Variants in PCDHGA12 observed in about 807,000 individuals in gnomAD.
PCDHGA12 encodes the protein protocadherin gamma-A12.
Under a neutral mutation model 61.1 loss-of-function variants are expected in PCDHGA12, and 43 were observed. The observed-to-expected ratio is 0.70, with a 90% CI of 0.55 to 0.91. The LOEUF is 0.91. Among genes scored for constraint, PCDHGA12 ranks in the 40% least tolerant of loss-of-function variants. The probability of loss-of-function intolerance (pLI) is 0.00; values close to 1 mark genes in which losing one functional copy is unlikely to be tolerated. For synonymous variants in PCDHGA12, 520 were observed against 542.9 expected (o/e 0.96, Z 0.59); for missense variants, 1,236 against 1,227.7 (o/e 1.01, Z -0.10).
rs1201654822 is a variant in PCDHGA12, at chr5:141,476,876, C to T, written c.2425-17931C>T. ...CCAGTCCTTGTACCGGGCGCGCGTC[C>T]TGGAGGATGCACCCTCCGGCACGCG... On this transcript the variant is annotated intron_variant, in intron 1 of 3. Transcript: ENST00000252085. The surrounding 1 kb of genome is among the most constrained non-coding windows in gnomAD (Gnocchi z 7.6). 6.2e-7 allele frequency: 1 copy of T among 1,613,876 alleles called. No homozygotes were observed. The highest frequency in any genetic ancestry group is 1.7e-5 in the Admixed American group (1 of 60,018).
chr5:141,431,296 C>T lies in PCDHGA12; in HGVS notation c.537C>T (p.Ser179=), dbSNP rs2097358592. Residue 179 remains serine, a synonymous_variant, in exon 1 of 4, where the codon TCC becomes TCT. Transcript: ENST00000252085. The surrounding 1 kb of genome is among the most constrained non-coding windows in gnomAD (Gnocchi z 4.8). ...AGCTCAGCCCGAACACTCACTTCTC[C>T]CTCATCGTGCAAAATGGAGCCGACG... The part of the protein sequence containing the change: ...SYELSPNTHF[S]LIVQNGADGS... The T allele has an allele frequency of 1.9e-6, 3 of 1,614,018 alleles. No individual in the cohort carries two copies. Among genetic ancestry groups the T allele is most frequent in the Non-Finnish European group, 2.5e-6 (3 of 1,180,048 alleles).
intron 3 of PCDHGA12, 119 bp downstream of exon 3, chr5:141,505,600 G>T: frequency 1.3e-6 from 2 of 1,554,224 alleles, no homozygotes; most frequent in Middle Eastern, 3.4e-4. Context: ...AGATCTTTCG[G>T]CAGGTCTGAA....
rs1476081470 is a variant in PCDHGA12, at chr5:141,432,757, C to G, written c.1998C>G (p.Asp666Glu). 2.5e-6 allele frequency: 4 copies of G among 1,614,150 alleles called. No homozygotes were observed. The highest frequency in any genetic ancestry group is 1.3e-5 in the African/African-American group (1 of 75,076). Reference protein sequence around the residue: ...ATVTLTVAVADSIPQVLADLG... With the variant: ...ATVTLTVAVAESIPQVLADLG... ...TCACGCTCACCGTGGCCGTGGCCGA[C>G]AGCATCCCCCAAGTCCTGGCGGACC... The change falls in exon 1 of 4, where the codon GAC becomes GAG. Residue 666 changes from aspartate (D) to glutamate (E), a missense_variant. Physicochemically the swap from Asp to Glu is conservative, Grantham distance 45. Coordinates refer to ENST00000252085, the MANE Select transcript of PCDHGA12 (RefSeq NM_003735.3). This position sits in a 1 kb window ranked among gnomAD's most constrained non-coding sequence, Gnocchi z 6.0.
chr5:141,487,429 C>A lies in PCDHGA12; in HGVS notation c.2425-7378C>A. 1 of 1,614,162 alleles carries A rather than the reference C, an allele frequency of 6.2e-7. No individual in the cohort carries two copies. Among genetic ancestry groups the A allele is most frequent in the Non-Finnish European group, 8.5e-7 (1 of 1,180,018 alleles). On this transcript the variant is annotated intron_variant, in intron 1 of 3. Transcript: ENST00000252085. The surrounding 1 kb of genome is among the most constrained non-coding windows in gnomAD (Gnocchi z 5.0). ...CCCCTTCCAATGGGATCCTCCGAAT[C>A]CAGCTAGGGTCAGATGACCCTATCA...
At chr5:141,482,572 T>C (rs1367788391) in intron 1 of PCDHGA12, among the ~76,000 whole-genome samples, 1 of 137,636 alleles carries the variant, frequency 7.3e-6, no homozygotes, top group Admixed American at 7.3e-5. Context: ...CTGCATAGCA[T>C]AAGATGCAGT....
chr5:141,432,287 G>T lies in PCDHGA12; in HGVS notation c.1528G>T (p.Asp510Tyr). 1 of 1,614,216 alleles carries T rather than the reference G, an allele frequency of 6.2e-7. No individual in the cohort carries two copies. The highest frequency in any genetic ancestry group is 8.5e-7 in the Non-Finnish European group (1 of 1,180,030). The change falls in exon 1 of 4, where the codon GAC (aspartate) becomes TAC (tyrosine). Residue 510 changes from aspartate to tyrosine, a missense_variant. Coordinates refer to ENST00000252085, the MANE Select transcript of PCDHGA12 (RefSeq NM_003735.3). This position sits in a 1 kb window ranked among gnomAD's most constrained non-coding sequence, Gnocchi z 6.0. ...SLSSYVSINS[D>Y]TGVLYALSSF... ...ATCGTCCTACGTGTCCATCAACTCC[G>T]ACACTGGGGTACTGTATGCGCTGAG...
At chr5:141,453,475 A>C (rs2098766452) in intron 1 of PCDHGA12, among the ~76,000 whole-genome samples, 1 of 151,996 alleles carries the variant, frequency 6.6e-6, no homozygotes, top group Non-Finnish European at 1.5e-5. Context: ...ATAAAGTCAA[A>C]ACTATTAAAA....
Position 141,506,556 on chromosome 5 carries a change from AC to A in PCDHGA12, c.2572+1080del, listed in dbSNP as rs560503002. Among the ~76,000 whole-genome samples the A allele has an allele frequency of 4.0e-4, 60 of 151,718 alleles. 1 individual carries two copies. In the East Asian group the frequency reaches 0.011, roughly 28 times the overall value. ...AATGAGTCCTTAGGTAAGTTATTAA[AC>A]CCCCTCGGTTTCACTTACTATTAAT... On this transcript the variant is annotated intron_variant, in intron 3 of 3. Coordinates refer to ENST00000252085, the MANE Select transcript of PCDHGA12 (RefSeq NM_003735.3).
chr5:141,432,209 A>C lies in PCDHGA12; in HGVS notation c.1450A>C (p.Asn484His), dbSNP rs1473794319. ...CGCCCACGACCCCGACTGTGAAGAGAACGCCCAGATCACTTATTCCCTGGC... is the reference window on the plus strand; with the variant it reads ...CGCCCACGACCCCGACTGTGAAGAGCACGCCCAGATCACTTATTCCCTGGC... ...VTAHDPDCEE[N>H]AQITYSLAEN... Residue 484 changes from asparagine to histidine, a missense_variant, in exon 1 of 4, where the codon AAC becomes CAC. Physicochemically the swap from Asn to His is moderately conservative, Grantham distance 68. Transcript: ENST00000252085. This position sits in a 1 kb window ranked among gnomAD's most constrained non-coding sequence, Gnocchi z 6.0. 2 of 1,614,098 alleles carry C rather than the reference A, an allele frequency of 1.2e-6. No homozygotes were observed. Among genetic ancestry groups the C allele is most frequent in the Non-Finnish European group, 8.5e-7 (1 of 1,180,032 alleles).
intron 1 of PCDHGA12, among the ~76,000 whole-genome samples, chr5:141,460,612 T>C (rs1215147315): frequency 6.6e-6 from 1 of 152,128 alleles, no homozygotes; most frequent in African/African-American, 2.4e-5. Flanking sequence ...GTTAGATGGA[T>C]AGATAGACAG....
intron 1 of PCDHGA12, among the ~76,000 whole-genome samples, chr5:141,451,873 C>A (rs1425706652): frequency 1.3e-5 from 2 of 151,830 alleles, no homozygotes; most frequent in East Asian, 3.9e-4. Context: ...AGAATGAAAC[C>A]CTGTCAAGAA....
rs200686404 is a variant in PCDHGA12 at position 141,477,185 on chromosome 5, G to A, written c.2425-17622G>A. On this transcript the variant is annotated intron_variant, in intron 1 of 3. Transcript: ENST00000252085. The surrounding 1 kb of genome is among the most constrained non-coding windows in gnomAD (Gnocchi z 4.9). ...CGCCCCGGAGATCACAGTCACCTCCGTGTACAGCCCAGTACCCGAGGATGC... is the reference window on the plus strand; with the variant it reads ...CGCCCCGGAGATCACAGTCACCTCCATGTACAGCCCAGTACCCGAGGATGC... 1.2e-6 allele frequency: 2 copies of A among 1,614,210 alleles called. No individual in the cohort carries two copies. Among genetic ancestry groups the A allele is most frequent in the South Asian group, 1.1e-5 (1 of 91,084 alleles).
At chr5:141,502,768 T>C (rs1389860952) in intron 2 of PCDHGA12, among the ~76,000 whole-genome samples, 1 of 152,154 alleles carries the variant, frequency 6.6e-6, no homozygotes, top group East Asian at 1.9e-4. Context: ...GCTGGTATTC[T>C]TCTGAAAATT....
intron 1 of PCDHGA12, among the ~76,000 whole-genome samples, chr5:141,484,030 T>G (rs1290301073): frequency 6.6e-6 from 1 of 151,022 alleles, no homozygotes; most frequent in African/African-American, 2.4e-5. Flanking sequence ...TGAGATCAAG[T>G]CTCCAGCTCC....
chr5:141,494,601 A>T (rs1396717178), intron 1 of PCDHGA12, among the ~76,000 whole-genome samples: 1 of 151,892 alleles, frequency 6.6e-6, no homozygotes, highest in East Asian at 1.9e-4. Context: ...ATGAAATGTG[A>T]TTTATCTCTT....
Position 141,454,796 on chromosome 5 carries a change from A to ATTTTTTTTTTTTT in PCDHGA12, c.2424+21630_2424+21642dup, listed in dbSNP as rs61612330. On this transcript the variant is annotated intron_variant, in intron 1 of 3. Coordinates refer to ENST00000252085, the MANE Select transcript of PCDHGA12 (RefSeq NM_003735.3). ...AAGGAAATAATCCTCCATGGTTCTAATTTTTTTTTTTTTTTTTTTTTTTTT... is the reference window on the plus strand; with the variant it reads ...AAGGAAATAATCCTCCATGGTTCTAATTTTTTTTTTTTTTTTTTTTTTTTTTTTTTTTTTTTTT... Among the ~76,000 whole-genome samples the ATTTTTTTTTTTTT allele has an allele frequency of 1.7e-3, 135 of 77,462 alleles. 8 individuals carry two copies. The highest frequency in any genetic ancestry group is 2.5e-3 in the Admixed American group (14 of 5,554). The allele number at this position is 77,462 out of a possible 152,430, so 50.8% of individuals were successfully genotyped here.
At chr5:141,446,942 G>C (rs1252429052) in intron 1 of PCDHGA12, among the ~76,000 whole-genome samples, 1 of 152,058 alleles carries the variant, frequency 6.6e-6, no homozygotes, top group Non-Finnish European at 1.5e-5. Flanking sequence ...TTCACTGTAA[G>C]AAACATCCAG....
chr5:141,454,669 AC>A (rs1292139052), intron 1 of PCDHGA12, among the ~76,000 whole-genome samples: 1 of 151,212 alleles, frequency 6.6e-6, no homozygotes, highest in African/African-American at 2.4e-5. Context: ...GCCTCCCAAA[AC>A]ACTGGGATTA....
intron 2 of PCDHGA12, 142 bp downstream of exon 2, chr5:141,495,007 G>C (rs2099758216): frequency 2.0e-6 from 3 of 1,522,276 alleles, no homozygotes; most frequent in Non-Finnish European, 8.8e-7. Flanking sequence ...TTGGTGTGCG[G>C]GGGGCTGGCA....
Sources: gnomAD v4.1 joint callset for allele counts (sites outside exome capture counted in the v4.1 genomes callset) on GRCh38, gnomAD v4.1.1 for gene constraint, Gnocchi (gnomAD v3.1) non-coding constraint, MANE v1.5 for transcripts, NCBI Gene and HGNC (gene_info 2026-07-23, HGNC 2026-07-21) for gene names.